The following IMMP2L variants were observed in gnomAD, a reference collection of about 807,000 sequenced individuals.
IMMP2L encodes inner mitochondrial membrane peptidase subunit 2, also known as mitochondrial inner membrane protease subunit 2.
Under a neutral mutation model 19.3 loss-of-function variants are expected in IMMP2L, and 18 were observed. The ratio of observed to expected loss-of-function variants is 0.93; its 90% CI spans 0.64 to 1.38. The LOEUF is 1.38. IMMP2L is among the 40% of genes most tolerant of loss of function. IMMP2L has a pLI of 0.00. For synonymous variants in IMMP2L, 76 were observed against 73.0 expected, an observed-to-expected ratio of 1.04 and a Z score of -0.21; for missense variants, 233 against 218.2, an observed-to-expected ratio of 1.07 and a Z score of -0.43.
At chr7:110,735,016 C>T (rs576150308) in intron 5 of IMMP2L, among the ~76,000 whole-genome samples, 1 of 152,306 alleles carries the variant, frequency 6.6e-6, no homozygotes, top group East Asian at 1.9e-4. Context: ...CTCAACTCTT[C>T]ATCCGTCTTA....
At chr7:110,990,513 T>C (rs552714798) in intron 3 of IMMP2L, among the ~76,000 whole-genome samples, 2 of 152,326 alleles carry the variant, frequency 1.3e-5, no homozygotes, top group East Asian at 1.9e-4. Flanking sequence ...ACCAAGAGGA[T>C]AGAGCCCTTG....
chr7:111,109,685 G>A (rs1461398593), intron 3 of IMMP2L, among the ~76,000 whole-genome samples: 1 of 152,140 alleles, frequency 6.6e-6, no homozygotes, highest in Admixed American at 6.5e-5. Context: ...TGCACATGCT[G>A]ACAGGATTAT....
intron 5 of IMMP2L, among the ~76,000 whole-genome samples, chr7:110,786,245 T>G (rs1270829913): frequency 2.6e-5 from 4 of 152,002 alleles, no homozygotes; most frequent in African/African-American, 9.7e-5. Context: ...GTTACTTGAA[T>G]CTCAATATAT....
intron 3 of IMMP2L, among the ~76,000 whole-genome samples, chr7:111,241,447 G>C (rs1449873391): frequency 7.9e-5 from 12 of 152,060 alleles, no homozygotes; most frequent in Admixed American, 7.9e-4. Flanking sequence ...GACAGAGACA[G>C]ATGCAAATTC....
At chr7:111,313,002 G>C (rs1479103660) in intron 3 of IMMP2L, among the ~76,000 whole-genome samples, 1 of 152,106 alleles carries the variant, frequency 6.6e-6, no homozygotes, top group Non-Finnish European at 1.5e-5. Context: ...ACCAAAGTGA[G>C]GGTGCTACCC....
chr7:111,447,591 C>T (rs1389348033), intron 3 of IMMP2L, among the ~76,000 whole-genome samples: 19 of 149,914 alleles, frequency 1.3e-4, no homozygotes, highest in South Asian at 4.3e-4. Flanking sequence ...CGGTACCAGC[C>T]GCTGCAAAAT....
chr7:111,131,459 G>T (rs12673184), intron 3 of IMMP2L, among the ~76,000 whole-genome samples: 1 of 151,664 alleles, frequency 6.6e-6, no homozygotes, highest in Non-Finnish European at 1.5e-5. Flanking sequence ...TAAGAAGGAA[G>T]GAAAAAGGAA....
At chr7:111,323,995 G>GAT (rs1192987939) in intron 3 of IMMP2L, among the ~76,000 whole-genome samples, 1 of 152,040 alleles carries the variant, frequency 6.6e-6, no homozygotes. Flanking sequence ...CTGTTGTGGG[G>GAT]TGGTGGGAGT....
intron 3 of IMMP2L, among the ~76,000 whole-genome samples, chr7:111,290,808 CACTATA>C (rs1002848572): frequency 6.2e-5 from 7 of 113,060 alleles, no homozygotes; most frequent in African/African-American, 2.5e-4. Flanking sequence ...CTCTCTCTCT[CACTATA>C]TATATATATA....
At chr7:110,688,908 T>C (rs989851568) in intron 5 of IMMP2L, among the ~76,000 whole-genome samples, 1 of 149,618 alleles carries the variant, frequency 6.7e-6, no homozygotes, top group Non-Finnish European at 1.5e-5. Flanking sequence ...ACACTTTTTT[T>C]CTATCAAAAA....
At chr7:111,484,448 C>T (rs1006490756) in intron 3 of IMMP2L, among the ~76,000 whole-genome samples, 1 of 152,026 alleles carries the variant, frequency 6.6e-6, no homozygotes, top group African/African-American at 2.4e-5. Flanking sequence ...TCAAAGATTA[C>T]TTATTTATCA....
At chr7:110,936,859 C>G (rs569695612) in intron 4 of IMMP2L, among the ~76,000 whole-genome samples, 1 of 152,284 alleles carries the variant, frequency 6.6e-6, no homozygotes, top group East Asian at 1.9e-4. Context: ...CCATGGAATA[C>G]TATGCAGCCA....
intron 3 of IMMP2L, among the ~76,000 whole-genome samples, chr7:111,102,600 A>G (rs1387804608): frequency 1.3e-5 from 2 of 151,618 alleles, no homozygotes; most frequent in Non-Finnish European, 3.0e-5. Context: ...GTCAAATAAA[A>G]GAGAGAGAGA....
At chr7:110,747,024 CAA>C (rs1288192310) in intron 5 of IMMP2L, among the ~76,000 whole-genome samples, 2 of 151,676 alleles carry the variant, frequency 1.3e-5, no homozygotes, top group Non-Finnish European at 2.9e-5. Flanking sequence ...AATAAAGAAA[CAA>C]GAGAGAAGAA....
intron 1 of IMMP2L, among the ~76,000 whole-genome samples, chr7:111,531,889 C>T (rs949099214): frequency 6.6e-6 from 1 of 151,930 alleles, no homozygotes; most frequent in African/African-American, 2.4e-5. Context: ...ATATTACCAG[C>T]ATCAGGAATA....
chr7:111,066,518 C>T (rs565552371), intron 3 of IMMP2L, among the ~76,000 whole-genome samples: 61 of 152,236 alleles, frequency 4.0e-4, no homozygotes, highest in African/African-American at 1.4e-3. Flanking sequence ...TTAAAATAGA[C>T]GGGAACTGTG....
intron 3 of IMMP2L, among the ~76,000 whole-genome samples, chr7:111,195,147 G>T (rs968060976): frequency 4.0e-5 from 6 of 151,844 alleles, no homozygotes; most frequent in African/African-American, 1.5e-4. Context: ...TAGATTTTTG[G>T]CTTCCATTTA....
At chr7:110,911,373 C>G (rs1813040884) in intron 4 of IMMP2L, among the ~76,000 whole-genome samples, 1 of 152,044 alleles carries the variant, frequency 6.6e-6, no homozygotes, top group Admixed American at 6.6e-5. Flanking sequence ...ATTGCCTTTC[C>G]CTCCAAGGGT....
chr7:111,134,335 T>G (rs990827148), intron 3 of IMMP2L, among the ~76,000 whole-genome samples: 1 of 152,028 alleles, frequency 6.6e-6, no homozygotes, highest in Non-Finnish European at 1.5e-5. Flanking sequence ...AATTGGAACG[T>G]TGAACTCAAA....
Sources: gnomAD v4.1 joint callset for allele counts (sites outside exome capture counted in the v4.1 genomes callset) on GRCh38, gnomAD v4.1.1 for gene constraint, MANE v1.5 for transcripts, NCBI Gene and HGNC (gene_info 2026-07-23, HGNC 2026-07-21) for gene names.